The following ARHGEF3 variants were observed in gnomAD, a reference collection of about 807,000 sequenced individuals.
ARHGEF3 encodes the protein 59.8 kDA protein.
Under a neutral mutation model 63.2 loss-of-function variants are expected in ARHGEF3, and 28 were observed. The observed-to-expected ratio is 0.44, with a 90% CI of 0.33 to 0.61. The LOEUF (loss-of-function observed/expected upper bound fraction) is 0.61, where lower values mean the gene tolerates loss of function less well. Among genes scored for constraint, ARHGEF3 ranks in the 20% least tolerant of loss-of-function variants. The pLI, the probability that ARHGEF3 is intolerant of heterozygous loss-of-function variation, is 0.03. For missense variants in ARHGEF3, 533 were observed against 659.3 expected (o/e 0.81, Z 2.10); for synonymous variants, 266 against 254.2 (o/e 1.05, Z -0.44).
intron 1 of ARHGEF3, among the ~76,000 whole-genome samples, chr3:57,044,992 C>T (rs547451213): frequency 4.6e-5 from 7 of 152,190 alleles, no homozygotes; most frequent in African/African-American, 1.7e-4. Flanking sequence ...ATTGGCCGGA[C>T]GTGGTGGCTC....
chr3:56,947,963 G>C (rs1578919920), intron 3 of ARHGEF3, among the ~76,000 whole-genome samples: 1 of 152,144 alleles, frequency 6.6e-6, no homozygotes, highest in East Asian at 1.9e-4. Flanking sequence ...TAGAACTCAG[G>C]ATTCAGAAAC....
intron 4 of ARHGEF3, among the ~76,000 whole-genome samples, chr3:56,752,471 A>G (rs2034830068): frequency 6.6e-6 from 1 of 152,250 alleles, no homozygotes; most frequent in Non-Finnish European, 1.5e-5. Context: ...GGCCAAGGGA[A>G]GTTTTGAAGA....
rs557516804 is a variant in ARHGEF3, at chr3:57,041,466, C to T, written c.-27-6290G>A. ...TCTTAAGCCAGACCCCACTCTGCTT[C>T]CATAACAACCCCACCCTAATGGGGT... On this transcript the variant is annotated intron_variant, in intron 1 of 12. Coordinates refer to the ARHGEF3 transcript ENST00000338458. 1.2e-4 allele frequency among the ~76,000 whole-genome samples: 18 copies of T among 152,312 alleles called. No individual in the cohort carries two copies. The South Asian group carries it at 3.7e-3, about 32-fold the overall frequency.
chr3:56,966,108 A>T (rs1174576680), intron 2 of ARHGEF3, among the ~76,000 whole-genome samples: 1 of 152,260 alleles, frequency 6.6e-6, no homozygotes, highest in Non-Finnish European at 1.5e-5. Flanking sequence ...GTTTATAGTC[A>T]TATATATGTA....
intron 1 of ARHGEF3, among the ~76,000 whole-genome samples, chr3:56,796,830 TTTC>T (rs2037394540): frequency 6.6e-6 from 1 of 152,108 alleles, no homozygotes; most frequent in Non-Finnish European, 1.5e-5. Context: ...TCTGAGCCTG[TTTC>T]TTCTTCTACA....
At chr3:56,977,173 A>C in intron 2 of ARHGEF3, 1 of 449,598 alleles carries the variant, frequency 2.2e-6, no homozygotes, top group South Asian at 1.6e-5. Context: ...CCTGCCCCAG[A>C]GCTCCACCAA....
chr3:56,795,494 A>G (rs894653133), intron 1 of ARHGEF3, among the ~76,000 whole-genome samples: 2 of 152,154 alleles, frequency 1.3e-5, no homozygotes, highest in African/African-American at 4.8e-5. Context: ...AATTAACTGA[A>G]ATTTACTAAC....
At chr3:56,778,589 G>A (rs994739423) in intron 1 of ARHGEF3, among the ~76,000 whole-genome samples, 5 of 152,214 alleles carry the variant, frequency 3.3e-5, no homozygotes, top group African/African-American at 1.2e-4. Flanking sequence ...CTGCTGTGCA[G>A]TGGCACGATC....
At chr3:56,774,856 C>T in intron 1 of ARHGEF3, 1 of 607,420 alleles carries the variant, frequency 1.6e-6, no homozygotes, top group Non-Finnish European at 2.5e-6. Flanking sequence ...TGCGCCACTG[C>T]ACTCCAGCCT....
rs533771114 is a variant in ARHGEF3, at chr3:56,900,030, T to G, written c.130-17676A>C. ...TACCTAACCTTCTTCCTTCCCCTTTTTGGGAGGGGAGAGAGTGGAGGCTAG... is the reference window on the plus strand; with the variant it reads ...TACCTAACCTTCTTCCTTCCCCTTTGTGGGAGGGGAGAGAGTGGAGGCTAG... On this transcript the variant is annotated intron_variant, in intron 3 of 12. Transcript: ENST00000338458. Among the ~76,000 whole-genome samples, 470 of 152,258 alleles carry G rather than the reference T, an allele frequency of 3.1e-3. 2 individuals carry two copies. The highest frequency in any genetic ancestry group is 5.0e-3 in the Non-Finnish European group (340 of 68,010).
Position 57,072,336 on chromosome 3 carries a change from G to T in ARHGEF3, c.-28+6890C>A, listed in dbSNP as rs12497828. On this transcript the variant is annotated intron_variant, in intron 1 of 12. Coordinates refer to the ARHGEF3 transcript ENST00000338458. ...TCTTCCCTGAGGAATGGAAGAGCCA[G>T]GGCAGGTAAAAGAGAGGAGAAATGT... Among the ~76,000 whole-genome samples, 18 of 152,046 alleles carry T rather than the reference G, an allele frequency of 1.2e-4. 1 individual carries two copies. The highest frequency in any genetic ancestry group is 1.1e-3 in the Admixed American group (17 of 15,260).
At chr3:57,058,792 C>T (rs548158368) in intron 1 of ARHGEF3, among the ~76,000 whole-genome samples, 1 of 152,008 alleles carries the variant, frequency 6.6e-6, no homozygotes, top group East Asian at 1.9e-4. Context: ...CACATATACA[C>T]CATGGAATAC....
At chr3:57,055,678 C>T (rs1704897433) in intron 1 of ARHGEF3, among the ~76,000 whole-genome samples, 1 of 152,070 alleles carries the variant, frequency 6.6e-6, no homozygotes, top group Admixed American at 6.6e-5. Context: ...AAACCAGGCA[C>T]ACAAAAAGAC....
chr3:56,755,278 G>T (rs2107771905), intron 2 of ARHGEF3, 127 bp from the exon 3 acceptor site: 1 of 1,100,618 alleles, frequency 9.1e-7, no homozygotes, highest in African/African-American at 1.6e-5. Flanking sequence ...TTGCCACAAG[G>T]CCTTTGGGAA....
intron 4 of ARHGEF3, among the ~76,000 whole-genome samples, chr3:56,867,175 A>G (rs1242607629): frequency 6.6e-6 from 1 of 152,256 alleles, no homozygotes; most frequent in Non-Finnish European, 1.5e-5. Flanking sequence ...AGATAAATCC[A>G]GTTCATGTTT....
intron 1 of ARHGEF3, among the ~76,000 whole-genome samples, chr3:57,047,763 A>G (rs866361265): frequency 1.3e-5 from 2 of 152,180 alleles, no homozygotes; most frequent in Non-Finnish European, 2.9e-5. Context: ...AGCTGGATGT[A>G]AGAGAGGAGA....
intron 4 of ARHGEF3, among the ~76,000 whole-genome samples, chr3:56,819,184 T>C (rs1394274362): frequency 6.6e-6 from 1 of 152,174 alleles, no homozygotes; most frequent in Non-Finnish European, 1.5e-5. Context: ...TGACTCATAA[T>C]AGGCACTCAA....
At chr3:57,040,215 T>C (rs540787534) in intron 1 of ARHGEF3, among the ~76,000 whole-genome samples, 21 of 152,220 alleles carry the variant, frequency 1.4e-4, no homozygotes, top group Non-Finnish European at 2.6e-4. Context: ...CAGTGGCTTA[T>C]GCCTGTAATC....
chr3:56,840,690 G>A (rs2039282465), intron 4 of ARHGEF3, among the ~76,000 whole-genome samples: 1 of 152,116 alleles, frequency 6.6e-6, no homozygotes, highest in Non-Finnish European at 1.5e-5. Flanking sequence ...TTTTAAAACT[G>A]AGAAGACAAA....
Sources: allele counts gnomAD v4.1 joint callset (sites outside exome capture counted in the v4.1 genomes callset), GRCh38; gene constraint gnomAD v4.1.1; transcripts MANE v1.5; gene names NCBI Gene and HGNC (gene_info 2026-07-23, HGNC 2026-07-21).